PCCA: variants seen among roughly 807,000 people sequenced by gnomAD.
PCCA encodes propionyl-CoA carboxylase alpha chain, mitochondrial.
In PCCA, 74 loss-of-function variants were observed where a neutral mutation model predicts 101.3. The observed-to-expected ratio is 0.73, with a 90% confidence interval of 0.61 to 0.89. The LOEUF (loss-of-function observed/expected upper bound fraction) is 0.89. PCCA is among the 40% of genes least tolerant of loss of function. The pLI, the probability that PCCA is intolerant of heterozygous loss-of-function variation, is 0.00. For synonymous variants in PCCA, 294 were observed against 313.6 expected, an observed-to-expected ratio of 0.94 and a Z score of 0.66; for missense variants, 891 against 907.0, an observed-to-expected ratio of 0.98 and a Z score of 0.23.
At chr13:100,422,739 G>A (rs1354959779) in intron 19 of PCCA, among the ~76,000 whole-genome samples, 1 of 151,738 alleles carries the variant, frequency 6.6e-6, no homozygotes, top group African/African-American at 2.4e-5. Flanking sequence ...TTCTTAATGT[G>A]GCTTTTATCT....
chr13:100,453,987 C>CA (rs1309625687), intron 21 of PCCA, among the ~76,000 whole-genome samples: 2 of 152,134 alleles, frequency 1.3e-5, no homozygotes, highest in Admixed American at 1.3e-4. Context: ...TCTCCTGCCT[C>CA]AGCCTCCTGA....
chr13:100,362,595 T>C (rs2074738186), intron 18 of PCCA, among the ~76,000 whole-genome samples: 1 of 152,186 alleles, frequency 6.6e-6, no homozygotes, highest in Non-Finnish European at 1.5e-5. Context: ...TGTGCCACAG[T>C]GCCTTTCCTG....
intron 21 of PCCA, among the ~76,000 whole-genome samples, chr13:100,452,397 G>A (rs1003611748): frequency 1.3e-5 from 2 of 152,028 alleles, no homozygotes; most frequent in African/African-American, 4.8e-5. Flanking sequence ...GCAGGAAAAG[G>A]AGTCCTTTGA....
At chr13:100,410,834 G>T in intron 19 of PCCA, among the ~76,000 whole-genome samples, 1 of 150,824 alleles carries the variant, frequency 6.6e-6, no homozygotes. Context: ...TGTTTTTTTT[G>T]TTAAAGCACT....
chr13:100,199,244 C>G (rs145164171), intron 6 of PCCA, among the ~76,000 whole-genome samples: 1 of 152,114 alleles, frequency 6.6e-6, no homozygotes, highest in Non-Finnish European at 1.5e-5. Flanking sequence ...AACCTCCGGC[C>G]TCTCTCTAAA....
At chr13:100,249,199 A>AT (rs1324085256) in intron 8 of PCCA, among the ~76,000 whole-genome samples, 1 of 152,110 alleles carries the variant, frequency 6.6e-6, no homozygotes, top group Non-Finnish European at 1.5e-5. Context: ...ATGTTCTTCT[A>AT]TTTTTTCTCT....
At chr13:100,337,854 CA>C (rs1370330458) in intron 17 of PCCA, among the ~76,000 whole-genome samples, 1 of 152,160 alleles carries the variant, frequency 6.6e-6, no homozygotes, top group African/African-American at 2.4e-5. Context: ...TGTGAACCAC[CA>C]TGAGAAATAC....
intron 6 of PCCA, among the ~76,000 whole-genome samples, chr13:100,166,212 G>T (rs915632013): frequency 6.6e-6 from 1 of 151,960 alleles, no homozygotes; most frequent in Non-Finnish European, 1.5e-5. Context: ...TTTTATATAG[G>T]TGGAATAACA....
intron 19 of PCCA, among the ~76,000 whole-genome samples, chr13:100,422,100 TTCTTTC>T (rs2078835689): frequency 7.1e-6 from 1 of 139,916 alleles, no homozygotes; most frequent in Admixed American, 7.0e-5. Context: ...CTTTCTTTCT[TTCTTTC>T]TTTCTTTCTT....
At chr13:100,202,263 G>A (rs2058568736) in intron 6 of PCCA, among the ~76,000 whole-genome samples, 1 of 151,936 alleles carries the variant, frequency 6.6e-6, no homozygotes, top group African/African-American at 2.4e-5. Context: ...GAGCCCAGGA[G>A]TTTGAGGCTG....
chr13:100,373,368 C>G (rs1332672214), intron 19 of PCCA, among the ~76,000 whole-genome samples: 2 of 152,162 alleles, frequency 1.3e-5, no homozygotes, highest in Non-Finnish European at 2.9e-5. Flanking sequence ...TTGGAAAAAA[C>G]AGTATGATGG....
chr13:100,186,664 C>T (rs919586798), intron 6 of PCCA, among the ~76,000 whole-genome samples: 7 of 147,252 alleles, frequency 4.8e-5, no homozygotes, highest in African/African-American at 1.8e-4. Context: ...ATCACTTGAA[C>T]AGGGAGGTGG....
At chr13:100,360,658 A>T (rs1431599118) in intron 18 of PCCA, among the ~76,000 whole-genome samples, 2 of 152,316 alleles carry the variant, frequency 1.3e-5, no homozygotes, top group East Asian at 3.9e-4. Flanking sequence ...CAGAACACCG[A>T]ACACCACGTG....
At chr13:100,162,014 G>A (rs1455256896) in intron 6 of PCCA, among the ~76,000 whole-genome samples, 2 of 151,740 alleles carry the variant, frequency 1.3e-5, no homozygotes, top group African/African-American at 4.8e-5. Context: ...TTGAACCTTC[G>A]AAACAAGACC....
chr13:100,161,230 A>G (rs9518013), intron 6 of PCCA: 1 of 151,966 alleles, frequency 6.6e-6, no homozygotes, highest in Admixed American at 6.5e-5. Context: ...CAAGGGTCAC[A>G]TAGTTTTGTT....
At chr13:100,375,322 G>A (rs1371563177) in intron 19 of PCCA, among the ~76,000 whole-genome samples, 1 of 152,156 alleles carries the variant, frequency 6.6e-6, no homozygotes, top group Non-Finnish European at 1.5e-5. Context: ...TCCATGTGGT[G>A]CTGAGAAGAA....
intron 16 of PCCA, among the ~76,000 whole-genome samples, chr13:100,322,184 T>C (rs1033727194): frequency 1.3e-5 from 2 of 152,198 alleles, no homozygotes; most frequent in Non-Finnish European, 1.5e-5. Context: ...CCACTCCGTT[T>C]GAATTGCCAA....
chr13:100,105,554 T>C (rs931419387), intron 2 of PCCA, among the ~76,000 whole-genome samples: 1 of 149,914 alleles, frequency 6.7e-6, no homozygotes, highest in African/African-American at 2.5e-5. Context: ...ATCAGCCAGG[T>C]GTGATGGCCC....
intron 22 of PCCA, among the ~76,000 whole-genome samples, chr13:100,523,091 T>A (rs2087442651): frequency 6.6e-6 from 1 of 152,218 alleles, no homozygotes; most frequent in South Asian, 2.1e-4. Flanking sequence ...GTCTGCAGTT[T>A]GAATGATCGG....
Sources: gnomAD v4.1 joint callset for allele counts (sites outside exome capture counted in the v4.1 genomes callset) on GRCh38, gnomAD v4.1.1 for gene constraint, MANE v1.5 for transcripts, NCBI Gene and HGNC (gene_info 2026-07-23, HGNC 2026-07-21) for gene names.